The following ABLIM2 variants were observed in gnomAD, a reference collection of about 807,000 sequenced individuals.
ABLIM2 encodes actin-binding LIM protein 2.
A neutral mutation model predicts 97.7 loss-of-function variants in ABLIM2; 53 were observed. That is an observed-to-expected ratio of 0.54 (90% CI 0.44 to 0.68). The LOEUF (loss-of-function observed/expected upper bound fraction) is 0.68. Ranked by LOEUF, ABLIM2 falls within the 30% of genes least tolerant of loss-of-function variation. The pLI is 0.00. For missense variants in ABLIM2, 835 were observed against 867.2 expected, an observed-to-expected ratio of 0.96 and a Z score of 0.47; for synonymous variants, 361 against 345.8, an observed-to-expected ratio of 1.04 and a Z score of -0.49.
At chr4:8,038,783 T>C (rs569444361) in intron 9 of ABLIM2, among the ~76,000 whole-genome samples, 1 of 152,262 alleles carries the variant, frequency 6.6e-6, no homozygotes, top group East Asian at 1.9e-4. Context: ...TTTGTAATCA[T>C]GAGATCTGAT....
At chr4:8,052,882 T>C (rs367738182) in intron 8 of ABLIM2, among the ~76,000 whole-genome samples, 3 of 152,330 alleles carry the variant, frequency 2.0e-5, no homozygotes, top group African/African-American at 7.2e-5. Flanking sequence ...GGTAGCCTGC[T>C]TGGTGGAATG....
intron 1 of ABLIM2, among the ~76,000 whole-genome samples, chr4:8,116,716 C>G (rs28623533): frequency 1.3e-5 from 2 of 152,218 alleles, no homozygotes; most frequent in East Asian, 3.9e-4. Context: ...GGATATAGCA[C>G]GAGGATGTGA....
chr4:8,065,829 C>T (rs1023156353), intron 6 of ABLIM2, among the ~76,000 whole-genome samples: 3 of 151,748 alleles, frequency 2.0e-5, no homozygotes, highest in African/African-American at 7.3e-5. Context: ...GAGGCTGAGA[C>T]AGGAGAATTG....
In ABLIM2 at chr4:8,033,219, G is replaced by T. The variant is rs1403475709; in HGVS notation, c.1047+2930C>A. Among the ~76,000 whole-genome samples the T allele has an allele frequency of 2.6e-5, 4 of 152,236 alleles. No homozygotes were observed. The highest frequency in any genetic ancestry group is 9.6e-5 in the African/African-American group (4 of 41,478). ...ACCACCTGCACATATGTTCAGTGAG[G>T]AGCATGGAGGTGGGAGGGGCCCAGA... On this transcript the variant is annotated intron_variant, in intron 10 of 20. Coordinates refer to ENST00000447017, the MANE Select transcript of ABLIM2 (RefSeq NM_001130083.2). The surrounding 1 kb of genome is among the most constrained non-coding windows in gnomAD (Gnocchi z 4.5).
intron 10 of ABLIM2, among the ~76,000 whole-genome samples, chr4:8,031,084 C>T (rs1579162624): frequency 6.6e-6 from 1 of 152,354 alleles, no homozygotes; most frequent in Non-Finnish European, 1.5e-5. Context: ...GCCTCAGCCT[C>T]GGACCACTCC....
At chr4:8,055,376 G>A (rs561138840) in intron 7 of ABLIM2, among the ~76,000 whole-genome samples, 12 of 149,872 alleles carry the variant, frequency 8.0e-5, no homozygotes, top group Admixed American at 4.7e-4. Context: ...TGCCCCCTGC[G>A]ATGGGCTGGC....
intron 4 of ABLIM2, 45 bp downstream of exon 4, chr4:8,088,124 T>G: frequency 1.9e-6 from 1 of 533,812 alleles, no homozygotes; most frequent in Non-Finnish European, 2.7e-6. Context: ...CACCCCCCAC[T>G]CAGCATGCCC....
intron 1 of ABLIM2, among the ~76,000 whole-genome samples, chr4:8,135,008 G>A (rs1045124432): frequency 2.6e-5 from 4 of 152,226 alleles, no homozygotes; most frequent in South Asian, 4.1e-4. Context: ...AGGACCCAGC[G>A]TCACCGAGGC....
chr4:8,105,497 G>T (rs1044098498), intron 2 of ABLIM2, among the ~76,000 whole-genome samples: 10 of 152,222 alleles, frequency 6.6e-5, no homozygotes, highest in African/African-American at 2.2e-4. Flanking sequence ...TGGGGGCCGT[G>T]CAACGCCTGA....
rs755801435 is a variant in ABLIM2, at chr4:8,097,236, G to A, written c.201C>T (p.Gly67=). 6.5e-5 allele frequency: 102 copies of A among 1,575,776 alleles called. No individual in the cohort carries two copies. The highest frequency in any genetic ancestry group is 8.3e-5 in the Non-Finnish European group (96 of 1,162,052). The part of the protein sequence containing the change: ...LAEGGFFVRQ[G]EYICTLDYQR... ...GGTAGTCCAGCGTGCAGATGTACTC[G>A]CCCTGCCGCACGAAGAAGCCGCCCT... Residue 67 remains glycine, a synonymous_variant, in exon 3 of 21, where the codon GGC becomes GGT. Transcript: ENST00000447017.
In ABLIM2 at chr4:7,983,549, T is replaced by C. The variant is rs749597966; in HGVS notation, c.1741A>G (p.Lys581Glu). The change falls in exon 19 of 21, where the codon AAG becomes GAG. Residue 581 changes from lysine (K) to glutamate (E), a missense_variant and splice_region_variant. Transcript: ENST00000447017. ...AGTGTGGGAGCGGCCCCGCTTACCT[T>C]GTATTCTGTAAGAGAGAGAGAGCGG... ...PDASWGMREY[K>E]IYPYDSLIVT... The C allele has an allele frequency of 1.2e-6, 2 of 1,613,262 alleles. No homozygotes were observed. Among genetic ancestry groups the C allele is most frequent in the Non-Finnish European group, 1.7e-6 (2 of 1,179,720 alleles).
Position 8,155,871 on chromosome 4 carries a change from G to A in ABLIM2, c.10+2809C>T, listed in dbSNP as rs1328501953. Among the ~76,000 whole-genome samples, 1 of 152,100 alleles carries A rather than the reference G, an allele frequency of 6.6e-6. No individual in the cohort carries two copies. The highest frequency in any genetic ancestry group is 1.5e-5 in the Non-Finnish European group (1 of 68,002). ...GACACACACAAAGGGAAGACGGGGC[G>A]AGGACACAGGGAGAGGGCGGCCGTC... is the stretch of plus-strand genomic sequence containing the variant. On this transcript the variant is annotated intron_variant, in intron 1 of 20. Transcript: ENST00000447017. The surrounding 1 kb of genome is among the most constrained non-coding windows in gnomAD (Gnocchi z 4.2).
chr4:8,068,228 C>T lies in ABLIM2; in HGVS notation c.676-7174G>A, dbSNP rs1021010310. ...CTCGCCCGCGTGGGGCTCATGATGG[C>T]TCGGATTTCAAAATATATGAGCAAC... On this transcript the variant is annotated intron_variant, in intron 6 of 20. Coordinates refer to ENST00000447017, the MANE Select transcript of ABLIM2 (RefSeq NM_001130083.2). This position sits in a 1 kb window ranked among gnomAD's most constrained non-coding sequence, Gnocchi z 4.5. 2.6e-5 allele frequency among the ~76,000 whole-genome samples: 4 copies of T among 152,176 alleles called. No individual in the cohort carries two copies. Among genetic ancestry groups the T allele is most frequent in the Non-Finnish European group, 2.9e-5 (2 of 68,034 alleles).
chr4:8,013,809 A>G (rs1766744146), intron 14 of ABLIM2, among the ~76,000 whole-genome samples: 1 of 152,200 alleles, frequency 6.6e-6, no homozygotes, highest in African/African-American at 2.4e-5. Context: ...AAAGGGCCGC[A>G]TCTGATGAGT....
chr4:8,105,277 T>TAC (rs1277753872), intron 2 of ABLIM2, among the ~76,000 whole-genome samples: 1 of 151,388 alleles, frequency 6.6e-6, no homozygotes, highest in African/African-American at 2.5e-5. Flanking sequence ...CATCCCCCCC[T>TAC]ACACACATAT....
intron 2 of ABLIM2, among the ~76,000 whole-genome samples, chr4:8,105,910 CG>C (rs1486350450): frequency 5.3e-5 from 8 of 151,722 alleles, no homozygotes; most frequent in African/African-American, 1.7e-4. Context: ...CTCCGTTGGC[CG>C]GGCCCGGTTG....
Position 8,069,257 on chromosome 4 carries a change from C to T in ABLIM2, c.676-8203G>A, listed in dbSNP as rs776936291. On this transcript the variant is annotated intron_variant, in intron 6 of 20. Coordinates refer to ENST00000447017, the MANE Select transcript of ABLIM2 (RefSeq NM_001130083.2). The surrounding 1 kb of genome is among the most constrained non-coding windows in gnomAD (Gnocchi z 4.2). Reference sequence around the variant, plus strand: ...TGGCAGACGAGCCGTCCAGTGGGGACGTTCTGAACAAGGCAACACGGTGCC... The same window carrying T: ...TGGCAGACGAGCCGTCCAGTGGGGATGTTCTGAACAAGGCAACACGGTGCC... 2.6e-4 allele frequency among the ~76,000 whole-genome samples: 39 copies of T among 152,264 alleles called. No homozygotes were observed. Among genetic ancestry groups the T allele is most frequent in the Non-Finnish European group, 1.0e-4 (7 of 68,050 alleles).
chr4:8,108,447 C>A (rs1838556602), intron 1 of ABLIM2, among the ~76,000 whole-genome samples: 1 of 152,218 alleles, frequency 6.6e-6, no homozygotes, highest in African/African-American at 2.4e-5. Flanking sequence ...GCCCAGGAGT[C>A]AAGTCCGGCC....
intron 7 of ABLIM2, among the ~76,000 whole-genome samples, chr4:8,055,048 GTTT>G (rs556582664): frequency 1.4e-5 from 2 of 144,630 alleles, no homozygotes; most frequent in African/African-American, 2.5e-5. Flanking sequence ...CTTTGTTTTT[GTTT>G]TTTTTTTTTC....
Sources: allele counts gnomAD v4.1 joint callset (sites outside exome capture counted in the v4.1 genomes callset), GRCh38; gene constraint gnomAD v4.1.1; non-coding constraint Gnocchi (gnomAD v3.1); transcripts MANE v1.5; gene names NCBI Gene and HGNC (gene_info 2026-07-23, HGNC 2026-07-21).